PIGT: variants seen among roughly 807,000 people sequenced by gnomAD.
PIGT encodes the protein phosphatidylinositol glycan anchor biosynthesis class T.
A neutral mutation model predicts 66.7 loss-of-function variants in PIGT; 57 were observed. The ratio of observed to expected loss-of-function variants is 0.86; its 90% CI spans 0.69 to 1.07. PIGT has a LOEUF of 1.07. Ranked by LOEUF, PIGT falls within the 50% of genes least tolerant of loss-of-function variation. The probability of loss-of-function intolerance (pLI) is 0.00; values close to 1 mark genes in which losing one functional copy is unlikely to be tolerated. For missense variants in PIGT, 725 were observed against 740.4 expected (o/e 0.98, Z 0.24); for synonymous variants, 362 against 320.5 (o/e 1.13, Z -1.38).
chr20:45,423,457 A>G (rs769714816), intron 9 of PIGT: 1 of 151,638 alleles, frequency 6.6e-6, no homozygotes, highest in Non-Finnish European at 1.5e-5. Flanking sequence ...GTGAGCCATG[A>G]TCATACTATT....
At chr20:45,416,748 G>A in intron 2 of PIGT, 54 bp downstream of exon 2, 2 of 1,507,224 alleles carry the variant, frequency 1.3e-6, no homozygotes, top group South Asian at 2.5e-5. Flanking sequence ...GTGGCTGGGA[G>A]AGTGTTGTCA....
chr20:45,421,642 C>T, intron 9 of PIGT, 59 bp downstream of exon 9: 2 of 1,384,708 alleles, frequency 1.4e-6, no homozygotes, highest in African/African-American at 1.4e-5. Context: ...CTCTCCAGGT[C>T]CCCCAAACTC....
intron 3 of PIGT, 62 bp downstream of exon 3, chr20:45,419,041 C>T: frequency 6.2e-7 from 1 of 1,604,570 alleles, no homozygotes; most frequent in African/African-American, 1.3e-5. Context: ...CCTTTGCCTC[C>T]TTTTCCCTCA....
In PIGT at chr20:45,420,192, T is replaced by G. The variant is rs374825388; in HGVS notation, c.738T>G (p.Phe246Leu). 39 of 1,612,396 alleles carry G rather than the reference T, an allele frequency of 2.4e-5. No homozygotes were observed. Among genetic ancestry groups the G allele is most frequent in the African/African-American group, 1.6e-4 (12 of 74,884 alleles). The change falls in exon 6 of 12, where the codon TTT becomes TTG. Residue 246 changes from phenylalanine to leucine, a missense_variant. Physicochemically the swap from Phe to Leu is conservative, Grantham distance 22. Around this residue, in one of 3 missense-constraint regions of PIGT, gnomAD observed 559 missense variants for 552.7 expected, o/e 1.01. Transcript: ENST00000279036. ...TGAGGCAGACCCTGTCAGTTGTATTTGATGCCTTCATCACGGGGCAGGGAA... is the reference window on the plus strand; with the variant it reads ...TGAGGCAGACCCTGTCAGTTGTATTGGATGCCTTCATCACGGGGCAGGGAA... ...WELRQTLSVV[F>L]DAFITGQGKK...
intron 2 of PIGT, chr20:45,417,825 G>A (rs1431700823): frequency 6.6e-6 from 1 of 152,188 alleles, no homozygotes; most frequent in Non-Finnish European, 1.5e-5. Flanking sequence ...GATTGGAGCA[G>A]TTGAAAAGCT....
In PIGT at chr20:45,418,933, C is replaced by T. The variant is rs1164714684; in HGVS notation, c.447C>T (p.Asn149=). ...CTCTCAACTTCATCGACTCCACCAA[C>T]ACAGTCACTCCCACTGCCTCCTTCA... ...CASLNFIDST[N]TVTPTASFKP... The change falls in exon 3 of 12, where the codon AAC becomes AAT. Residue 149 remains asparagine, a synonymous_variant. Transcript: ENST00000279036. 1.9e-6 allele frequency: 3 copies of T among 1,614,144 alleles called. No individual in the cohort carries two copies. The highest frequency in any genetic ancestry group is 4.5e-5 in the East Asian group (2 of 44,880).
intron 8 of PIGT, 29 bp downstream of exon 8, chr20:45,420,722 G>A: frequency 6.2e-7 from 1 of 1,610,908 alleles, no homozygotes; most frequent in Non-Finnish European, 8.5e-7. Flanking sequence ...GGACTGCTGG[G>A]TTGCAACGGC....
At position 45,424,504 on chromosome 20, in the gene PIGT, TC is replaced by T. The variant is rs753153951; in HGVS notation, c.1411del (p.Leu471SerfsTer9). 6.2e-7 allele frequency: 1 copy of T among 1,614,162 alleles called. No homozygotes were observed. Among genetic ancestry groups the T allele is most frequent in the South Asian group, 1.1e-5 (1 of 91,086 alleles). On this transcript the variant is annotated frameshift_variant, in exon 11 of 12. Transcript: ENST00000279036. LOFTEE classifies it high-confidence loss of function. Reference protein sequence around the residue: ...PNHGFYVSPSVLSALVPSMVA... With the variant: ...PNHGFYVSPSXLSALVPSMVA... Reference sequence around the variant, plus strand: ...TCTCTGCTTCTCTGTAGCCCATCTGTCCTCAGCGCCCTTGTGCCCAGCATGG... The same window carrying T: ...TCTCTGCTTCTCTGTAGCCCATCTGTCTCAGCGCCCTTGTGCCCAGCATGG...
At chr20:45,419,096 T>G in intron 3 of PIGT, 117 bp downstream of exon 3, 1 of 1,341,066 alleles carries the variant, frequency 7.5e-7, no homozygotes, top group Non-Finnish European at 1.1e-6. Context: ...GTCCCCTGTG[T>G]GTGCAGGCCC....
intron 5 of PIGT, chr20:45,419,873 C>T (rs1294659948): frequency 1.7e-6 from 1 of 600,130 alleles, no homozygotes; most frequent in East Asian, 2.8e-5. Context: ...CATTTCATTC[C>T]CCTGAGCTTG....
Position 45,424,279 on chromosome 20 carries a change from A to G in PIGT, c.1298A>G (p.Gln433Arg). ...LQPHLLEMLIQLPANSVTKVS... is the reference protein window; with the variant it reads ...LQPHLLEMLIRLPANSVTKVS... ...CCCCACCTCCTGGAGATGCTGATTC[A>G]GCTGCCGGCCAACTCAGTCACCAAG... Residue 433 changes from glutamine (Q) to arginine (R), a missense_variant, in exon 10 of 12, where the codon CAG (glutamine) becomes CGG (arginine). This residue lies in a region of PIGT where 559 missense variants were observed against 552.7 expected (regional missense o/e 1.01). Coordinates refer to ENST00000279036, the MANE Select transcript of PIGT (RefSeq NM_015937.6). The G allele has an allele frequency of 1.2e-6, 2 of 1,614,156 alleles. No homozygotes were observed. Among genetic ancestry groups the G allele is most frequent in the Non-Finnish European group, 8.5e-7 (1 of 1,179,998 alleles).
chr20:45,416,198 C>G lies in PIGT; in HGVS notation c.42C>G (p.Leu14=). 3.1e-6 allele frequency: 5 copies of G among 1,590,750 alleles called. No individual in the cohort carries two copies. The highest frequency in any genetic ancestry group is 4.3e-6 in the Non-Finnish European group (5 of 1,169,672). The change falls in exon 1 of 12, where the codon CTC becomes CTG. Residue 14 remains leucine (L), a synonymous_variant. Transcript: ENST00000279036. ...AMPLALLVLL[L]LGPGGWCLAE... Reference sequence around the variant, plus strand: ...CGCTTGCTCTGCTCGTCCTGTTGCTCCTGGGGCCCGGCGGCTGGTGCCTTG... The same window carrying G: ...CGCTTGCTCTGCTCGTCCTGTTGCTGCTGGGGCCCGGCGGCTGGTGCCTTG...
chr20:45,419,138 C>T (rs1264822100), intron 3 of PIGT, 157 bp from the exon 4 acceptor site: 1 of 1,113,492 alleles, frequency 9.0e-7, no homozygotes, highest in African/African-American at 1.5e-5. Flanking sequence ...ATGCCTTTTC[C>T]CAAGGAGAGA....
chr20:45,424,686 C>G, intron 11 of PIGT, 107 bp downstream of exon 11: 1 of 766,730 alleles, frequency 1.3e-6, no homozygotes, highest in Non-Finnish European at 2.3e-6. Flanking sequence ...TTACATCTTC[C>G]AAAGAGATGT....
Position 45,425,731 on chromosome 20 carries a change from A to G in PIGT, c.1642A>G (p.Thr548Ala). The G allele has an allele frequency of 6.2e-7, 1 of 1,613,898 alleles. No homozygotes were observed. The highest frequency in any genetic ancestry group is 1.6e-4 in the Middle Eastern group (1 of 6,062). Residue 548 changes from threonine (T) to alanine (A), a missense_variant, in exon 12 of 12, where the codon ACC (threonine) becomes GCC (alanine). By Grantham distance (58) the Thr-to-Ala change is moderately conservative. Transcript: ENST00000279036. ...VCYGSFYNLL[T>A]RTFHIEEPRT... is the part of the protein sequence containing the mutation. ...CTATGGCTCCTTCTACAATCTCCTC[A>G]CCCGAACCTTCCACATCGAGGAGCC...
In PIGT at chr20:45,425,851, G is replaced by A; in HGVS notation, c.*25G>A. 6.2e-7 allele frequency: 1 copy of A among 1,604,270 alleles called. No individual in the cohort carries two copies. Among genetic ancestry groups the A allele is most frequent in the Non-Finnish European group, 8.5e-7 (1 of 1,174,594 alleles). On this transcript the variant is annotated 3_prime_UTR_variant, in exon 12 of 12. Coordinates refer to ENST00000279036, the MANE Select transcript of PIGT (RefSeq NM_015937.6). ...ATTCTTGCCCTTTCCAGCAGCTGCAGCTGCCGTTTCTCTCTGGGGAGGGGA... is the reference window on the plus strand; with the variant it reads ...ATTCTTGCCCTTTCCAGCAGCTGCAACTGCCGTTTCTCTCTGGGGAGGGGA...
rs1600800190 is a variant in PIGT, at chr20:45,416,307, C to T, written c.151C>T (p.Arg51Cys). 6.3e-7 allele frequency: 1 copy of T among 1,596,138 alleles called. No individual in the cohort carries two copies. ...SGDVAATFQF[R>C]TRWDSELQRE... Reference sequence around the variant, plus strand: ...GGACGTAGCCGCCACATTCCAGTTCCGCACGCGCTGGGATTCGGAGCTTCA... The same window carrying T: ...GGACGTAGCCGCCACATTCCAGTTCTGCACGCGCTGGGATTCGGAGCTTCA... The change falls in exon 1 of 12, where the codon CGC (arginine) becomes TGC (cysteine). Residue 51 changes from arginine to cysteine, a missense_variant. By Grantham distance (180) the Arg-to-Cys change is radical (BLOSUM62 -3). Transcript: ENST00000279036.
intron 11 of PIGT, among the ~76,000 whole-genome samples, chr20:45,425,308 G>A (rs981510656): frequency 3.3e-5 from 5 of 151,400 alleles, no homozygotes; most frequent in Admixed American, 2.6e-4. Flanking sequence ...TGCCACGGTG[G>A]TTTGCCGTAC....
intron 9 of PIGT, 94 bp downstream of exon 9, chr20:45,421,677 G>A (rs1056515735): frequency 9.8e-7 from 1 of 1,015,732 alleles, no homozygotes; most frequent in Non-Finnish European, 1.5e-6. Flanking sequence ...AGTTCCTGAA[G>A]TACCTCTGAA....
Sources: gnomAD v4.1 joint callset for allele counts (sites outside exome capture counted in the v4.1 genomes callset) on GRCh38, gnomAD v4.1.1 for gene constraint, gnomAD v4.1.1 regional missense constraint, MANE v1.5 for transcripts, NCBI Gene and HGNC (gene_info 2026-07-23, HGNC 2026-07-21) for gene names.